The following AMOTL1 variants were observed in gnomAD, a reference collection of about 807,000 sequenced individuals.
The protein encoded by AMOTL1 is angiomotin like 1, also known as angiomotin-like protein 1.
A neutral mutation model predicts 102.9 loss-of-function variants in AMOTL1; 45 were observed. The ratio of observed to expected loss-of-function variants is 0.44; its 90% confidence interval spans 0.34 to 0.56. The LOEUF (loss-of-function observed/expected upper bound fraction) is 0.56, where lower values mean the gene tolerates loss of function less well. AMOTL1 is among the 20% of genes least tolerant of loss of function. The pLI is 0.01. For synonymous variants in AMOTL1, 481 were observed against 484.7 expected (o/e 0.99, Z 0.10); for missense variants, 1,114 against 1,225.6 (o/e 0.91, Z 1.36).
At chr11:94,811,684 CAG>C in intron 3 of AMOTL1, among the ~76,000 whole-genome samples, 1 of 152,026 alleles carries the variant, frequency 6.6e-6, no homozygotes, top group Middle Eastern at 3.4e-3. Context: ...GAAACAACAA[CAG>C]AAACAAACAA....
chr11:94,725,245 G>C (rs138213223), intron 1 of AMOTL1, among the ~76,000 whole-genome samples: 1 of 152,236 alleles, frequency 6.6e-6, no homozygotes, highest in East Asian at 1.9e-4. Flanking sequence ...GTGAGAAGAC[G>C]TGGGGGAATG....
At chr11:94,786,780 AAACTT>A (rs1289608894) in intron 1 of AMOTL1, among the ~76,000 whole-genome samples, 8 of 152,230 alleles carry the variant, frequency 5.3e-5, no homozygotes, top group African/African-American at 1.9e-4. Context: ...TAAAAAAGGC[AAACTT>A]AACTTTGAGC....
intron 3 of AMOTL1, among the ~76,000 whole-genome samples, chr11:94,741,530 G>A (rs1950527515): frequency 6.6e-6 from 1 of 152,170 alleles, no homozygotes; most frequent in South Asian, 2.1e-4. Context: ...CAGTTAGCCT[G>A]TAGGTGTCTC....
At chr11:94,741,430 T>G (rs1043924973) in intron 3 of AMOTL1, among the ~76,000 whole-genome samples, 7 of 152,082 alleles carry the variant, frequency 4.6e-5, no homozygotes, top group Non-Finnish European at 7.4e-5. Flanking sequence ...GTCCTTACCC[T>G]GAATTTAATG....
At chr11:94,856,576 C>T (rs1006769959) in intron 8 of AMOTL1, among the ~76,000 whole-genome samples, 19 of 152,172 alleles carry the variant, frequency 1.2e-4, no homozygotes, top group African/African-American at 3.9e-4. Context: ...ATCCCCTCCT[C>T]CTCATTCACC....
chr11:94,860,620 C>T (rs1952756195), intron 9 of AMOTL1, among the ~76,000 whole-genome samples: 1 of 152,210 alleles, frequency 6.6e-6, no homozygotes, highest in South Asian at 2.1e-4. Context: ...CCCTCACTGC[C>T]TCCCACCCAG....
intron 2 of AMOTL1, among the ~76,000 whole-genome samples, chr11:94,729,686 T>C (rs1950315159): frequency 6.6e-6 from 1 of 152,112 alleles, no homozygotes; most frequent in African/African-American, 2.4e-5. Context: ...GAGACCTACT[T>C]TGATGGTAGG....
At chr11:94,818,905 A>G (rs1231552663) in intron 3 of AMOTL1, among the ~76,000 whole-genome samples, 3 of 152,220 alleles carry the variant, frequency 2.0e-5, no homozygotes, top group African/African-American at 7.2e-5. Flanking sequence ...ACTTATTTAC[A>G]TATATAAACC....
chr11:94,787,786 G>A (rs1951218381), intron 1 of AMOTL1, among the ~76,000 whole-genome samples: 1 of 146,864 alleles, frequency 6.8e-6, no homozygotes, highest in Non-Finnish European at 1.5e-5. Context: ...AAAAAAATAA[G>A]TCTATCAGAG....
intron 11 of AMOTL1, among the ~76,000 whole-genome samples, chr11:94,867,247 C>T (rs1952902629): frequency 6.6e-6 from 1 of 152,144 alleles, no homozygotes; most frequent in Admixed American, 6.5e-5. Context: ...GCAGCCCCTG[C>T]CCCCAAAGGA....
upstream of AMOTL1, among the ~76,000 whole-genome samples, chr11:94,764,583 G>T (rs1037509427): frequency 1.3e-5 from 2 of 152,170 alleles, no homozygotes; most frequent in African/African-American, 2.4e-5. Flanking sequence ...TGTAGTAGCT[G>T]TTCCTTACGT....
chr11:94,778,743 T>C lies in AMOTL1; in HGVS notation c.49+10183T>C, dbSNP rs141321937. 3.6e-3 allele frequency among the ~76,000 whole-genome samples: 545 copies of C among 152,276 alleles called. 7 individuals carry two copies. The highest frequency in any genetic ancestry group is 0.012 in the African/African-American group (501 of 41,542). On this transcript the variant is annotated intron_variant, in intron 1 of 12. Transcript: ENST00000433060. ...TCTGCTCCATCATTCCTGGGACTTC[T>C]GGGGCAAGAAGACTGAGAGCGCATG...
chr11:94,707,358 T>A (rs1408214052), intron 1 of AMOTL1, among the ~76,000 whole-genome samples: 1 of 151,950 alleles, frequency 6.6e-6, no homozygotes, highest in African/African-American at 2.4e-5. Context: ...TGAGTCTCTG[T>A]CACTGATTGA....
chr11:94,813,751 G>A (rs1036755102), intron 3 of AMOTL1, among the ~76,000 whole-genome samples: 1 of 152,138 alleles, frequency 6.6e-6, no homozygotes, highest in Non-Finnish European at 1.5e-5. Flanking sequence ...TTCACCCCAG[G>A]TCACAGGAGC....
chr11:94,813,257 T>C (rs1340017146), intron 3 of AMOTL1, among the ~76,000 whole-genome samples: 1 of 152,150 alleles, frequency 6.6e-6, no homozygotes, highest in Non-Finnish European at 1.5e-5. Context: ...ACGCAGACCT[T>C]CATAGAGATG....
intron 1 of AMOTL1, among the ~76,000 whole-genome samples, chr11:94,727,649 G>C (rs975732350): frequency 6.6e-6 from 1 of 152,148 alleles, no homozygotes; most frequent in Non-Finnish European, 1.5e-5. Context: ...TTTGCCCAAA[G>C]TCATCCAGTT....
At position 94,866,318 on chromosome 11, in the gene AMOTL1, T is replaced by C. The variant is rs145509232; in HGVS notation, c.2488+150T>C. The C allele has an allele frequency of 4.2e-5, 31 of 738,632 alleles. No homozygotes were observed. In the East Asian group the frequency reaches 4.3e-4, roughly 10 times the overall value. The allele number at this position is 738,632 out of a possible 1,614,324, so 45.8% of individuals were successfully genotyped here. ...GGGAGGGAAATCAGTCATACTTCAG[T>C]TATAGATATGTGGAAGCATTGTGTA... On this transcript the variant is annotated intron_variant, in intron 11 of 12. Coordinates refer to ENST00000433060, the MANE Select transcript of AMOTL1 (RefSeq NM_130847.3).
At chr11:94,714,935 T>C (rs1950073554) in intron 1 of AMOTL1, among the ~76,000 whole-genome samples, 1 of 152,122 alleles carries the variant, frequency 6.6e-6, no homozygotes, top group African/African-American at 2.4e-5. Flanking sequence ...CTTCCTTTTG[T>C]TGTTTCTTGA....
At chr11:94,779,993 A>G (rs1951085309) in intron 1 of AMOTL1, among the ~76,000 whole-genome samples, 1 of 152,230 alleles carries the variant, frequency 6.6e-6, no homozygotes, top group Non-Finnish European at 1.5e-5. Context: ...TTGGTAGTAA[A>G]GAGTTTTTCC....
Sources: gnomAD v4.1 joint callset for allele counts (sites outside exome capture counted in the v4.1 genomes callset) on GRCh38, gnomAD v4.1.1 for gene constraint, MANE v1.5 for transcripts, NCBI Gene and HGNC (gene_info 2026-07-23, HGNC 2026-07-21) for gene names.